Variants in ERAP1 observed in about 807,000 individuals in gnomAD.
ERAP1 encodes adipocyte-derived leucine aminopeptidase.
ERAP1 carries 86 observed loss-of-function variants against 103.7 expected under a neutral mutation model. The ratio of observed to expected loss-of-function variants is 0.83; its 90% CI spans 0.70 to 0.99. The LOEUF (loss-of-function observed/expected upper bound fraction) is 0.99. Among genes scored for constraint, ERAP1 ranks in the 50% least tolerant of loss-of-function variants. The probability of loss-of-function intolerance (pLI) is 0.00; values close to 1 mark genes in which losing one functional copy is unlikely to be tolerated. For missense variants in ERAP1, 1,009 were observed against 1,128.4 expected, an observed-to-expected ratio of 0.89 and a Z score of 1.52; for synonymous variants, 398 against 402.4, an observed-to-expected ratio of 0.99 and a Z score of 0.13.
In ERAP1 at chr5:96,779,378, TCAGA is replaced by T. The variant is rs1469712144; in HGVS notation, c.2670+1041_2670+1044del. The T allele has an allele frequency of 2.0e-5, 3 of 152,234 alleles. No individual in the cohort carries two copies. The East Asian group carries it at 5.8e-4, about 29-fold the overall frequency. 9.4% of individuals were successfully genotyped at this position (152,234 alleles called of 1,614,324 possible). On this transcript the variant is annotated intron_variant, in intron 18 of 18. Transcript: ENST00000443439. Reference sequence around the variant, plus strand: ...AAGGCTTTGGACATCTCTTCAGTCATCAGACAGAGTATCTCTGCTCTAGACCTCG... The same window carrying T: ...AAGGCTTTGGACATCTCTTCAGTCATCAGAGTATCTCTGCTCTAGACCTCG...
At chr5:96,913,113 AAAT>A in the ERAP1 span, among the ~76,000 whole-genome samples, 5 of 152,226 alleles carry the variant, frequency 3.3e-5, no homozygotes, top group Admixed American at 1.3e-4. Context: ...AACTTATTTG[AAAT>A]AATAAGTAAA....
the ERAP1 span, chr5:96,896,373 G>A: frequency 6.2e-7 from 1 of 1,607,462 alleles, no homozygotes; most frequent in Non-Finnish European, 8.5e-7. Context: ...CCCTGTTTAG[G>A]ATGACTATTT....
the ERAP1 span, chr5:96,895,497 G>A: frequency 2.1e-5 from 14 of 661,252 alleles, no homozygotes; most frequent in Middle Eastern, 2.9e-4. Context: ...TTTGATACAC[G>A]AAACAGATCA....
intron 15 of ERAP1, 64 bp from the exon 16 acceptor site, chr5:96,781,918 G>GCGAC (rs1426482939): frequency 1.4e-5 from 22 of 1,524,260 alleles, no homozygotes; most frequent in Non-Finnish European, 1.9e-5. Flanking sequence ...AGGCATAATG[G>GCGAC]TGACTAACTA....
the ERAP1 span, among the ~76,000 whole-genome samples, chr5:96,871,862 A>G: frequency 6.6e-6 from 1 of 152,332 alleles, no homozygotes; most frequent in East Asian, 1.9e-4. Flanking sequence ...CTGATTTAAA[A>G]TTCTGAGAAT....
At chr5:96,922,268 G>C in the ERAP1 span, among the ~76,000 whole-genome samples, 2 of 152,072 alleles carry the variant, frequency 1.3e-5, no homozygotes, top group Non-Finnish European at 2.9e-5. Context: ...ACTGCACTCC[G>C]GCCTGGGCGA....
intron 7 of ERAP1, 86 bp from the exon 8 acceptor site, chr5:96,792,278 G>C (rs1776817836): frequency 5.2e-6 from 7 of 1,355,314 alleles, no homozygotes; most frequent in Non-Finnish European, 4.2e-6. Context: ...TCTGAGGCAA[G>C]AAGTCCATAC....
chr5:96,771,777 G>A, downstream of ERAP1: 2 of 867,970 alleles, frequency 2.3e-6, no homozygotes, highest in Admixed American at 2.0e-5. Flanking sequence ...TGAGAGAAGT[G>A]AAGTCCACCT....
chr5:96,814,328 A>G, the ERAP1 span: 25 of 456,206 alleles, frequency 5.5e-5, no homozygotes, highest in Non-Finnish European at 8.8e-6. Flanking sequence ...AAAGGAAATT[A>G]TGCAAGAGAA....
At chr5:96,845,049 C>A in the ERAP1 span, among the ~76,000 whole-genome samples, 3 of 152,038 alleles carry the variant, frequency 2.0e-5, no homozygotes, top group African/African-American at 7.2e-5. Flanking sequence ...ACAGAATGGT[C>A]TGTATGTTTA....
At chr5:96,783,642 G>A (rs1467089857) in intron 14 of ERAP1, among the ~76,000 whole-genome samples, 4 of 152,090 alleles carry the variant, frequency 2.6e-5, no homozygotes. Flanking sequence ...ATTGTAATAG[G>A]AAAGGAAAAT....
chr5:96,881,720 A>T, the ERAP1 span, among the ~76,000 whole-genome samples: 1 of 152,086 alleles, frequency 6.6e-6, no homozygotes, highest in African/African-American at 2.4e-5. Context: ...TTGCAAGATG[A>T]TTGCTGCACC....
At chr5:96,901,818 A>G in the ERAP1 span, 4 of 845,716 alleles carry the variant, frequency 4.7e-6, no homozygotes, top group Non-Finnish European at 7.1e-6. Context: ...AGTAGACTTG[A>G]TAAGATTTAA....
chr5:96,851,792 GT>G, the ERAP1 span, among the ~76,000 whole-genome samples: 1 of 152,164 alleles, frequency 6.6e-6, no homozygotes, highest in East Asian at 1.9e-4. Flanking sequence ...ACTCAAGTAA[GT>G]ATTGTATGCC....
chr5:96,781,102 C>G lies in ERAP1; in HGVS notation c.2544G>C (p.Leu848=), dbSNP rs755412549. Residue 848 remains leucine (L), a synonymous_variant, in exon 17 of 19, where the codon CTG becomes CTC. Transcript: ENST00000443439. ...AGTTTTTCCTCAGAAATTGCCAGGC[C>G]AGTGGGTATCCTACTGGGTTCCTGC... is the stretch of plus-strand genomic sequence containing the variant. ...LIGRNPVGYP[L]AWQFLRKNWN... The G allele has an allele frequency of 1.5e-5, 25 of 1,613,636 alleles. No homozygotes were observed. The African/African-American group carries it at 3.1e-4, about 20-fold the overall frequency.
intron 9 of ERAP1, 57 bp from the exon 10 acceptor site, chr5:96,790,424 T>A (rs1048457587): frequency 2.7e-5 from 44 of 1,608,924 alleles, no homozygotes; most frequent in Non-Finnish European, 2.0e-5. Flanking sequence ...ATGATTCTCC[T>A]CAGAGGGATT....
chr5:96,785,855 C>T lies in ERAP1; in HGVS notation c.1876G>A (p.Gly626Arg). The change falls in exon 13 of 19, where the codon GGA becomes AGA. Residue 626 changes from glycine to arginine, a missense_variant. Gly to Arg is a moderately radical substitution (Grantham distance 125). Around this residue, in one of 3 missense-constraint regions of ERAP1, gnomAD observed 611 missense variants for 651.7 expected, o/e 0.94. Transcript: ENST00000443439. ...GWDSLTGLLK[G>R]THTAVSSNDR... Reference sequence around the variant, plus strand: ...TTACTGCTGACTGCTGTGTGTGTTCCTTTTAAAAGGCCAGTCAAAGAGTCC... The same window carrying T: ...TTACTGCTGACTGCTGTGTGTGTTCTTTTTAAAAGGCCAGTCAAAGAGTCC... 6.2e-7 allele frequency: 1 copy of T among 1,614,112 alleles called. No homozygotes were observed.
chr5:96,909,143 T>C, the ERAP1 span: 1 of 1,607,114 alleles, frequency 6.2e-7, no homozygotes, highest in South Asian at 1.1e-5. Context: ...AGAAAATGTA[T>C]TAAGTAAATA....
the ERAP1 span, among the ~76,000 whole-genome samples, chr5:96,924,596 AG>A: frequency 6.6e-6 from 1 of 151,034 alleles, no homozygotes; most frequent in Admixed American, 6.6e-5. Flanking sequence ...TCGGGCTAAC[AG>A]ATTTTTTTTT....
Sources: allele counts gnomAD v4.1 joint callset (sites outside exome capture counted in the v4.1 genomes callset), GRCh38; gene constraint gnomAD v4.1.1; regional missense constraint gnomAD v4.1.1; transcripts MANE v1.5; gene names NCBI Gene and HGNC (gene_info 2026-07-23, HGNC 2026-07-21).